Variants in ST6GALNAC3 observed in about 807,000 individuals in gnomAD.
ST6GALNAC3 encodes the protein ST6 N-acetylgalactosaminide alpha-2,6-sialyltransferase 3, also known as alpha-N-acetylgalactosaminide alpha-2,6-sialyltransferase 3.
In ST6GALNAC3, 25 loss-of-function variants were observed where a neutral mutation model predicts 32.7. The ratio of observed to expected loss-of-function variants is 0.76; its 90% CI spans 0.56 to 1.07. The LOEUF is 1.07. Ranked by LOEUF, ST6GALNAC3 falls within the 50% of genes least tolerant of loss-of-function variation. The probability of loss-of-function intolerance (pLI) is 0.00; values close to 1 mark genes in which losing one functional copy is unlikely to be tolerated. For synonymous variants in ST6GALNAC3, 129 were observed against 133.1 expected (o/e 0.97, Z 0.21); for missense variants, 355 against 382.4 (o/e 0.93, Z 0.60).
intron 3 of ST6GALNAC3, among the ~76,000 whole-genome samples, chr1:76,604,074 T>A (rs182283197): frequency 2.0e-5 from 3 of 152,258 alleles, no homozygotes; most frequent in Non-Finnish European, 4.4e-5. Flanking sequence ...CCTTGCAAAG[T>A]CGCAGTCCTT....
At chr1:76,409,771 A>G (rs542795814) in intron 2 of ST6GALNAC3, among the ~76,000 whole-genome samples, 2 of 152,290 alleles carry the variant, frequency 1.3e-5, no homozygotes, top group Admixed American at 6.5e-5. Context: ...GGAAAAAAAT[A>G]TGACAAAAAT....
At chr1:76,555,749 T>G (rs1377543440) in intron 3 of ST6GALNAC3, among the ~76,000 whole-genome samples, 1 of 151,986 alleles carries the variant, frequency 6.6e-6, no homozygotes, top group Non-Finnish European at 1.5e-5. Context: ...GTCAGGAAAA[T>G]TTGAAGAGCT....
chr1:76,074,880 T>C lies in ST6GALNAC3; in HGVS notation c.14T>C (p.Leu5Pro). Reference sequence around the variant, plus strand: ...CGGCGGAGCGCCATGGCCTGCATCCTGAAGGTAACGACTTGGATCTGTGGC... The same window carrying C: ...CGGCGGAGCGCCATGGCCTGCATCCCGAAGGTAACGACTTGGATCTGTGGC... MACILKRKSVIAVSF... is the reference protein window; with the variant it reads MACIPKRKSVIAVSF... Residue 5 changes from leucine to proline, a missense_variant, in exon 1 of 5, where the codon CTG (leucine) becomes CCG (proline). Transcript: ENST00000328299. 6.3e-7 allele frequency: 1 copy of C among 1,596,632 alleles called. No homozygotes were observed. Among genetic ancestry groups the C allele is most frequent in the Admixed American group, 1.7e-5 (1 of 57,822 alleles).
At chr1:76,231,738 T>C (rs1009921544) in intron 1 of ST6GALNAC3, among the ~76,000 whole-genome samples, 5 of 152,236 alleles carry the variant, frequency 3.3e-5, no homozygotes, top group Non-Finnish European at 7.3e-5. Context: ...TCCATTCATC[T>C]GTCAGTGGAC....
chr1:76,132,186 C>T (rs1649654052), intron 1 of ST6GALNAC3, among the ~76,000 whole-genome samples: 1 of 152,174 alleles, frequency 6.6e-6, no homozygotes, highest in African/African-American at 2.4e-5. Context: ...GAGCGTGGAG[C>T]CTTTGGCCCT....
intron 2 of ST6GALNAC3, among the ~76,000 whole-genome samples, chr1:76,337,003 G>T (rs1011346339): frequency 1.1e-4 from 16 of 152,224 alleles, no homozygotes; most frequent in African/African-American, 3.9e-4. Flanking sequence ...GTGGAGACAA[G>T]CGGGGCTGAC....
intron 1 of ST6GALNAC3, among the ~76,000 whole-genome samples, chr1:76,098,604 A>G (rs1647172282): frequency 7.2e-6 from 1 of 139,124 alleles, no homozygotes; most frequent in South Asian, 2.3e-4. Context: ...TCTTTTCCCC[A>G]TTTAAAAAAA....
chr1:76,511,455 A>G (rs1661855896), intron 3 of ST6GALNAC3, among the ~76,000 whole-genome samples: 1 of 152,130 alleles, frequency 6.6e-6, no homozygotes, highest in Admixed American at 6.5e-5. Flanking sequence ...GCTGCTGCTC[A>G]CATCCCTAGC....
intron 1 of ST6GALNAC3, among the ~76,000 whole-genome samples, chr1:76,312,736 T>C (rs1365974431): frequency 6.6e-6 from 1 of 152,150 alleles, no homozygotes; most frequent in Non-Finnish European, 1.5e-5. Context: ...TTAGTATAGA[T>C]GTATTAGCTT....
chr1:76,464,196 C>T (rs1286681251), intron 3 of ST6GALNAC3, among the ~76,000 whole-genome samples: 19 of 152,156 alleles, frequency 1.2e-4, no homozygotes. Flanking sequence ...CCTTTCAGTG[C>T]TCTTGACTTA....
chr1:76,226,175 G>A (rs1201377390), intron 1 of ST6GALNAC3, among the ~76,000 whole-genome samples: 1 of 152,148 alleles, frequency 6.6e-6, no homozygotes, highest in Non-Finnish European at 1.5e-5. Flanking sequence ...TTCTTGTCTG[G>A]CAGATAGTAG....
intron 3 of ST6GALNAC3, among the ~76,000 whole-genome samples, chr1:76,573,892 A>G (rs952997564): frequency 2.6e-5 from 4 of 152,096 alleles, no homozygotes; most frequent in African/African-American, 4.8e-5. Flanking sequence ...TGGCAGGGAC[A>G]GTAGAGAAGG....
chr1:76,286,099 C>G, intron 1 of ST6GALNAC3, among the ~76,000 whole-genome samples: 1 of 152,142 alleles, frequency 6.6e-6, no homozygotes, highest in East Asian at 1.9e-4. Flanking sequence ...TTTCAGCCTC[C>G]CAGGATCAAA....
intron 3 of ST6GALNAC3, among the ~76,000 whole-genome samples, chr1:76,470,904 T>G (rs1271733036): frequency 1.3e-5 from 2 of 152,080 alleles, no homozygotes; most frequent in African/African-American, 4.8e-5. Flanking sequence ...ATATTCACTG[T>G]GCTTACTGGT....
chr1:76,557,616 T>C (rs1665005003), intron 3 of ST6GALNAC3, among the ~76,000 whole-genome samples: 1 of 152,078 alleles, frequency 6.6e-6, no homozygotes, highest in African/African-American at 2.4e-5. Flanking sequence ...AGGTAATAAA[T>C]ATGAGTCTAA....
At chr1:76,508,104 C>T (rs942120213) in intron 3 of ST6GALNAC3, among the ~76,000 whole-genome samples, 1 of 152,160 alleles carries the variant, frequency 6.6e-6, no homozygotes, top group Non-Finnish European at 1.5e-5. Context: ...CGCCTTAGAT[C>T]AGCGGTTTCC....
At chr1:76,181,188 G>A (rs2100461413) in intron 1 of ST6GALNAC3, among the ~76,000 whole-genome samples, 1 of 152,290 alleles carries the variant, frequency 6.6e-6, no homozygotes, top group African/African-American at 2.4e-5. Context: ...CCCTGTTGCA[G>A]GTCCTGTGAG....
At chr1:76,205,846 A>AGT (rs869274406) in intron 1 of ST6GALNAC3, among the ~76,000 whole-genome samples, 1 of 121,600 alleles carries the variant, frequency 8.2e-6, no homozygotes, top group South Asian at 2.9e-4. Flanking sequence ...GATGTTAAAG[A>AGT]TTAGACCACG....
rs1647075423 is a variant in ST6GALNAC3, at chr1:76,326,623, TC to T, written c.213+12626del. Reference sequence around the variant, plus strand: ...TATGAATGTACATTTCAAGTAGACTTCCTGTGGTATCTAGTAGGAGCTTAAA... The same window carrying T: ...TATGAATGTACATTTCAAGTAGACTTCTGTGGTATCTAGTAGGAGCTTAAA... On this transcript the variant is annotated intron_variant, in intron 2 of 4. Coordinates refer to ENST00000328299, the MANE Select transcript of ST6GALNAC3 (RefSeq NM_152996.4). 5.3e-5 allele frequency among the ~76,000 whole-genome samples: 8 copies of T among 152,178 alleles called. No homozygotes were observed. In the South Asian group the frequency reaches 1.7e-3, roughly 32 times the overall value.
Sources: allele counts gnomAD v4.1 joint callset (sites outside exome capture counted in the v4.1 genomes callset), GRCh38; gene constraint gnomAD v4.1.1; transcripts MANE v1.5; gene names NCBI Gene and HGNC (gene_info 2026-07-23, HGNC 2026-07-21).